SLC9A9: variants seen among roughly 807,000 people sequenced by gnomAD.
SLC9A9 encodes solute carrier family 9 member A9, also known as sodium/hydrogen exchanger 9.
In SLC9A9, 62 loss-of-function variants were observed where a neutral mutation model predicts 77.8. The observed-to-expected ratio is 0.80, with a 90% CI of 0.65 to 0.98. SLC9A9 has a LOEUF of 0.98. SLC9A9 is among the 50% of genes least tolerant of loss of function. SLC9A9 has a pLI of 0.00. For missense variants in SLC9A9, 775 were observed against 774.9 expected (o/e 1.00, Z 0.00); for synonymous variants, 320 against 283.5 (o/e 1.13, Z -1.29).
intron 4 of SLC9A9, among the ~76,000 whole-genome samples, chr3:143,767,613 G>C (rs1231694399): frequency 2.0e-5 from 3 of 152,020 alleles, no homozygotes; most frequent in African/African-American, 7.3e-5. Flanking sequence ...TTGTGGTAAG[G>C]AACTTTAAGT....
chr3:143,537,387 C>T (rs558718043), intron 9 of SLC9A9, among the ~76,000 whole-genome samples: 1 of 152,300 alleles, frequency 6.6e-6, no homozygotes, highest in South Asian at 2.1e-4. Flanking sequence ...GCTGCCCATC[C>T]CTCAGCTGCC....
chr3:143,492,811 T>C (rs184281917), intron 11 of SLC9A9, among the ~76,000 whole-genome samples: 1 of 152,338 alleles, frequency 6.6e-6, no homozygotes, highest in East Asian at 1.9e-4. Flanking sequence ...TTCATGCTGA[T>C]AGCAGGTTTT....
At chr3:143,608,886 A>G (rs141626505) in intron 6 of SLC9A9, among the ~76,000 whole-genome samples, 1 of 152,346 alleles carries the variant, frequency 6.6e-6, no homozygotes, top group Non-Finnish European at 1.5e-5. Context: ...CTAAAGTAAT[A>G]TCAATGCTGA....
chr3:143,541,380 A>G (rs1193325728), intron 9 of SLC9A9, among the ~76,000 whole-genome samples: 1 of 152,156 alleles, frequency 6.6e-6, no homozygotes, highest in East Asian at 1.9e-4. Context: ...GCCCCAGCCA[A>G]ACCTTGAGAC....
At chr3:143,572,990 C>A (rs961668165) in intron 8 of SLC9A9, among the ~76,000 whole-genome samples, 1 of 152,054 alleles carries the variant, frequency 6.6e-6, no homozygotes, top group African/African-American at 2.4e-5. Context: ...ATGCGTGGTC[C>A]CCCAGAACCC....
intron 2 of SLC9A9, among the ~76,000 whole-genome samples, chr3:143,806,239 C>T (rs2008709932): frequency 6.6e-6 from 1 of 152,084 alleles, no homozygotes; most frequent in African/African-American, 2.4e-5. Flanking sequence ...AATTCTTACT[C>T]ATCTTTCAAG....
intron 14 of SLC9A9, among the ~76,000 whole-genome samples, chr3:143,331,122 T>A (rs527956957): frequency 6.6e-6 from 1 of 152,342 alleles, no homozygotes; most frequent in East Asian, 1.9e-4. Flanking sequence ...TTCTTCTGTA[T>A]AACATTAACT....
chr3:143,561,253 A>T (rs1485204291), intron 8 of SLC9A9, among the ~76,000 whole-genome samples: 1 of 152,210 alleles, frequency 6.6e-6, no homozygotes, highest in African/African-American at 2.4e-5. Context: ...TAGAAATAGG[A>T]TAACAATAAG....
At chr3:143,431,445 C>A (rs909766988) in intron 12 of SLC9A9, among the ~76,000 whole-genome samples, 1 of 151,290 alleles carries the variant, frequency 6.6e-6, no homozygotes, top group Non-Finnish European at 1.5e-5. Flanking sequence ...CCAGTTAGAT[C>A]ACATCCCTTG....
chr3:143,421,810 G>GA (rs1282620781), intron 12 of SLC9A9, among the ~76,000 whole-genome samples: 1 of 152,120 alleles, frequency 6.6e-6, no homozygotes, highest in African/African-American at 2.4e-5. Flanking sequence ...GCCACCCACA[G>GA]AATAGGAGAA....
chr3:143,511,095 C>T (rs1189077855), intron 9 of SLC9A9, among the ~76,000 whole-genome samples: 3 of 152,168 alleles, frequency 2.0e-5, no homozygotes, highest in African/African-American at 2.4e-5. Flanking sequence ...AGAATGCCCA[C>T]GGGCAATTCT....
intron 14 of SLC9A9, among the ~76,000 whole-genome samples, chr3:143,333,919 T>C (rs1426720970): frequency 1.0e-5 from 1 of 95,638 alleles, no homozygotes; most frequent in East Asian, 2.1e-4. Context: ...GAGGGAAACT[T>C]CAAGTGGATG....
intron 11 of SLC9A9, among the ~76,000 whole-genome samples, chr3:143,468,615 GA>G (rs1480000198): frequency 6.6e-6 from 1 of 152,058 alleles, no homozygotes. Context: ...ATATACAAAA[GA>G]AACTTTCTGG....
chr3:143,451,164 T>TA lies in SLC9A9; in HGVS notation c.1469+15872dup, dbSNP rs199893171. On this transcript the variant is annotated intron_variant, in intron 12 of 15. Transcript: ENST00000316549. Reference sequence around the variant, plus strand: ...AATCTAGCACTGGCAAGAGTGTTATTAAAAAAAAAAAGAGGAAAAGAAGAG... The same window carrying TA: ...AATCTAGCACTGGCAAGAGTGTTATTAAAAAAAAAAAAGAGGAAAAGAAGAG... Among the ~76,000 whole-genome samples, 613 of 145,024 alleles carry TA rather than the reference T, an allele frequency of 4.2e-3. 2 individuals carry two copies. The highest frequency in any genetic ancestry group is 7.6e-3 in the Admixed American group (110 of 14,534).
At chr3:143,699,725 C>T (rs1365828222) in intron 4 of SLC9A9, among the ~76,000 whole-genome samples, 1 of 152,072 alleles carries the variant, frequency 6.6e-6, no homozygotes, top group African/African-American at 2.4e-5. Context: ...CTCTGGGGCC[C>T]TAAATAAACT....
At chr3:143,647,230 C>T (rs1476170239) in intron 6 of SLC9A9, among the ~76,000 whole-genome samples, 4 of 152,076 alleles carry the variant, frequency 2.6e-5, no homozygotes, top group Admixed American at 6.6e-5. Flanking sequence ...CCCAAGGTAA[C>T]GTAAATAATG....
chr3:143,724,818 C>T (rs1934594084), intron 4 of SLC9A9, among the ~76,000 whole-genome samples: 1 of 152,170 alleles, frequency 6.6e-6, no homozygotes, highest in African/African-American at 2.4e-5. Flanking sequence ...GAGACTTCCT[C>T]ATGAATGACA....
intron 1 of SLC9A9, among the ~76,000 whole-genome samples, chr3:143,844,308 A>G (rs1007074580): frequency 4.6e-5 from 7 of 151,348 alleles, no homozygotes; most frequent in African/African-American, 1.7e-4. Context: ...CCTGTTCTCT[A>G]GAATTTTTAA....
rs1335370549 is a variant in SLC9A9 at position 143,523,818 on chromosome 3, A to G, written c.1090-28370T>C. Among the ~76,000 whole-genome samples the G allele has an allele frequency of 2.6e-5, 4 of 152,190 alleles. No individual in the cohort carries two copies. The East Asian group carries it at 7.7e-4, about 29-fold the overall frequency. On this transcript the variant is annotated intron_variant, in intron 9 of 15. Coordinates refer to ENST00000316549, the MANE Select transcript of SLC9A9 (RefSeq NM_173653.4). ...AACATTGTGAATATTCTCTATACCT[A>G]AGGTAAGTAAGCAATAAAAATGTAA...
Sources: gnomAD v4.1 joint callset for allele counts (sites outside exome capture counted in the v4.1 genomes callset) on GRCh38, gnomAD v4.1.1 for gene constraint, MANE v1.5 for transcripts, NCBI Gene and HGNC (gene_info 2026-07-23, HGNC 2026-07-21) for gene names.